Variants in CDC27 observed in about 807,000 individuals in gnomAD.
CDC27 encodes the protein cell division cycle 27.
Under a neutral mutation model 109.7 loss-of-function variants are expected in CDC27, and 27 were observed. The observed-to-expected ratio is 0.25, with a 90% CI of 0.18 to 0.34. CDC27 has a LOEUF of 0.34. Among genes scored for constraint, CDC27 ranks in the 10% least tolerant of loss-of-function variants. CDC27 has a pLI of 1.00. For synonymous variants in CDC27, 266 were observed against 333.9 expected, an observed-to-expected ratio of 0.80 and a Z score of 2.22; for missense variants, 579 against 960.2, an observed-to-expected ratio of 0.60 and a Z score of 5.25.
intron 14 of CDC27, among the ~76,000 whole-genome samples, chr17:47,133,010 T>C (rs867092024): frequency 0.016 from 659 of 42,260 alleles, 21 homozygotes; most frequent in African/African-American, 0.044. Flanking sequence ...TATATATATA[T>C]ATATATATAT....
In CDC27 at chr17:47,122,281, TTA is replaced by T. The variant is rs532973044; in HGVS notation, c.2392+161_2392+162del. Among the ~76,000 whole-genome samples the T allele has an allele frequency of 4.6e-5, 7 of 151,880 alleles. No individual in the cohort carries two copies. In the East Asian group the frequency reaches 1.4e-3, roughly 29 times the overall value. ...CAGAACAGAGACTCATTATCTGACT[TTA>T]TATGCATTTTGTTATTACATCACCC... On this transcript the variant is annotated intron_variant, in intron 18 of 18. Transcript: ENST00000066544.
chr17:47,157,361 T>C lies in CDC27; in HGVS notation c.499A>G (p.Thr167Ala). 1 of 1,609,538 alleles carries C rather than the reference T, an allele frequency of 6.2e-7. No homozygotes were observed. The highest frequency in any genetic ancestry group is 8.5e-7 in the Non-Finnish European group (1 of 1,178,056). Residue 167 changes from threonine to alanine, a missense_variant, in exon 6 of 19, where the codon ACA (threonine) becomes GCA (alanine). Thr to Ala is a moderately conservative substitution (Grantham distance 58). Coordinates refer to ENST00000066544, the MANE Select transcript of CDC27 (RefSeq NM_001256.6). ...EIGEKPDPDQ[T>A]FKFTSLQNFS... ...TTCTGTAAAGATGTGAATTTAAATG[T>C]TTGGTCAGGATCTGGCTTTTCACCT...
intron 3 of CDC27, among the ~76,000 whole-genome samples, chr17:47,171,297 GACTT>G (rs1406574253): frequency 6.6e-6 from 1 of 152,190 alleles, no homozygotes; most frequent in African/African-American, 2.4e-5. Flanking sequence ...TCTATGGTGA[GACTT>G]ACTTGTATCT....
intron 15 of CDC27, among the ~76,000 whole-genome samples, chr17:47,130,396 A>G (rs1400159226): frequency 6.6e-6 from 1 of 152,164 alleles, no homozygotes; most frequent in Admixed American, 6.5e-5. Flanking sequence ...GAGAAAAAAA[A>G]GAAAAATGAT....
chr17:47,129,559 A>G, intron 15 of CDC27, 38 bp from the exon 16 acceptor site: 8 of 1,488,758 alleles, frequency 5.4e-6, no homozygotes, highest in Non-Finnish European at 7.3e-6. Context: ...CTCCCTCTTG[A>G]TATTTATGAA....
intron 15 of CDC27, among the ~76,000 whole-genome samples, 176 bp downstream of exon 15, chr17:47,132,081 G>T (rs2062361013): frequency 1.5e-5 from 1 of 67,210 alleles, no homozygotes; most frequent in African/African-American, 5.4e-5. Flanking sequence ...AAGGGATAAG[G>T]GCAATTCTGT....
At chr17:47,137,722 A>C (rs769795074) in intron 13 of CDC27, among the ~76,000 whole-genome samples, 1 of 151,998 alleles carries the variant, frequency 6.6e-6, no homozygotes, top group African/African-American at 2.4e-5. Flanking sequence ...CTCTGGGGAC[A>C]GTTGGACAGA....
intron 16 of CDC27, among the ~76,000 whole-genome samples, chr17:47,124,256 C>CATCTATCGT (rs1555780289): frequency 2.0e-5 from 3 of 148,166 alleles, no homozygotes; most frequent in Non-Finnish European, 4.5e-5. Flanking sequence ...TGCTTTTGGT[C>CATCTATCGT]ATCTATCTAT....
At chr17:47,152,428 C>T (rs2063178978) in intron 8 of CDC27, among the ~76,000 whole-genome samples, 2 of 152,096 alleles carry the variant, frequency 1.3e-5, no homozygotes, top group African/African-American at 4.8e-5. Flanking sequence ...CTTTCCAAAA[C>T]CTAAGGATAT....
chr17:47,158,337 C>A, intron 4 of CDC27, 34 bp from the exon 5 acceptor site: 1 of 1,132,478 alleles, frequency 8.8e-7, no homozygotes. Context: ...AAATAAGCTA[C>A]AAACCCCAAA....
At chr17:47,188,955 T>A in intron 1 of CDC27, 191 bp downstream of exon 1, 9 of 1,442,208 alleles carry the variant, frequency 6.2e-6, no homozygotes, top group Non-Finnish European at 8.2e-6. Flanking sequence ...TGAAGTAATG[T>A]AGGGCCAGAG....
chr17:47,137,004 C>T (rs1417101521), intron 14 of CDC27, 148 bp downstream of exon 14: 1 of 415,640 alleles, frequency 2.4e-6, no homozygotes, highest in Non-Finnish European at 4.2e-6. Context: ...CATAAGAAAA[C>T]ATTTTAGTTA....
chr17:47,179,731 T>C (rs1337372185), intron 2 of CDC27, among the ~76,000 whole-genome samples: 1 of 152,174 alleles, frequency 6.6e-6, no homozygotes, highest in African/African-American at 2.4e-5. Context: ...GGTTCTATAT[T>C]GAAAGAAACT....
At position 47,142,367 on chromosome 17, in the gene CDC27, T is replaced by C; in HGVS notation, c.1240A>G (p.Asn414Asp). The change falls in exon 11 of 19, where the codon AAT becomes GAT. Residue 414 changes from asparagine to aspartate, a missense_variant. This residue lies in a region of CDC27 where 58 missense variants were observed against 116.6 expected (regional missense o/e 0.50). Transcript: ENST00000066544. Reference protein sequence around the residue: ...IPNRKTKSKTNKGGITQPNIN... With the variant: ...IPNRKTKSKTDKGGITQPNIN... ...TTAGGTTGAGTTATTCCTCCTTTAT[T>C]AGTTTTACTTTTTGTTTTTCTGTTT... The C allele has an allele frequency of 6.6e-7, 1 of 1,512,328 alleles. No individual in the cohort carries two copies. Among genetic ancestry groups the C allele is most frequent in the Non-Finnish European group, 9.1e-7 (1 of 1,099,564 alleles). The allele number at this position is 1,512,328 out of a possible 1,614,324, so 93.7% of individuals were successfully genotyped here.
In CDC27 at chr17:47,189,228, C is replaced by G; in HGVS notation, c.-56G>C. On this transcript the variant is annotated 5_prime_UTR_variant, in exon 1 of 19. Transcript: ENST00000066544. Reference sequence around the variant, plus strand: ...CCTCAGGCCCCCCCTGTAGCGGCTCCGGCCCGGCCAGCCCCTGCTCATTTA... The same window carrying G: ...CCTCAGGCCCCCCCTGTAGCGGCTCGGGCCCGGCCAGCCCCTGCTCATTTA... 1 of 1,426,530 alleles carries G rather than the reference C, an allele frequency of 7.0e-7. No individual in the cohort carries two copies. The highest frequency in any genetic ancestry group is 1.1e-5 in the South Asian group (1 of 87,256). The allele number at this position is 1,426,530 out of a possible 1,614,324, so 88.4% of individuals were successfully genotyped here.
At chr17:47,157,622 A>G (rs976194266) in intron 5 of CDC27, among the ~76,000 whole-genome samples, 3 of 152,374 alleles carry the variant, frequency 2.0e-5, no homozygotes, top group Admixed American at 2.0e-4. Context: ...AATTTTAAAC[A>G]TAACAAATCG....
At chr17:47,147,660 C>A (rs111881998) in intron 9 of CDC27, among the ~76,000 whole-genome samples, 31 of 151,760 alleles carry the variant, frequency 2.0e-4, no homozygotes, top group African/African-American at 7.2e-4. Context: ...GCTTCAGGCC[C>A]GGAGGTCAAG....
At chr17:47,182,052 T>C (rs1341802059) in intron 1 of CDC27, among the ~76,000 whole-genome samples, 1 of 152,216 alleles carries the variant, frequency 6.6e-6, no homozygotes, top group Admixed American at 6.5e-5. Flanking sequence ...ACATGGTTAT[T>C]TGTTAACAGG....
chr17:47,134,392 T>G (rs1459636471), intron 14 of CDC27, among the ~76,000 whole-genome samples: 1 of 151,898 alleles, frequency 6.6e-6, no homozygotes, highest in Non-Finnish European at 1.5e-5. Flanking sequence ...GCAGGTAACC[T>G]TGAACTCTTA....
Sources: gnomAD v4.1 joint callset for allele counts (sites outside exome capture counted in the v4.1 genomes callset) on GRCh38, gnomAD v4.1.1 for gene constraint, gnomAD v4.1.1 regional missense constraint, MANE v1.5 for transcripts, NCBI Gene and HGNC (gene_info 2026-07-23, HGNC 2026-07-21) for gene names.